WDR27: variants seen among roughly 807,000 people sequenced by gnomAD.
WDR27 encodes WD repeat-containing protein 27.
In WDR27, 100 loss-of-function variants were observed where a neutral mutation model predicts 114.4. That is an observed-to-expected ratio of 0.87 (90% CI 0.74 to 1.03). The LOEUF is 1.03. Ranked by LOEUF, WDR27 falls within the 50% of genes least tolerant of loss-of-function variation. WDR27 has a pLI of 0.00. For synonymous variants in WDR27, 449 were observed against 423.1 expected (o/e 1.06, Z -0.75); for missense variants, 1,129 against 1,092.9 (o/e 1.03, Z -0.47).
At chr6:169,624,972 C>T (rs374620280) in intron 21 of WDR27, among the ~76,000 whole-genome samples, 77 of 152,330 alleles carry the variant, frequency 5.1e-4, no homozygotes, top group African/African-American at 1.8e-3. Flanking sequence ...CCTCGGGGCC[C>T]GGCCCATCCA....
At chr6:169,458,491 T>A (rs140405004) in intron 25 of WDR27, among the ~76,000 whole-genome samples, 1 of 152,030 alleles carries the variant, frequency 6.6e-6, no homozygotes, top group African/African-American at 2.4e-5. Flanking sequence ...GTAAAAAATG[T>A]ATAGGAGCCA....
At chr6:169,476,905 A>G (rs1344000281) in intron 25 of WDR27, among the ~76,000 whole-genome samples, 3 of 152,160 alleles carry the variant, frequency 2.0e-5, no homozygotes, top group African/African-American at 7.2e-5. Flanking sequence ...TCTACCAGTC[A>G]TCACTCTTGT....
chr6:169,492,040 T>C (rs553515192), intron 25 of WDR27, among the ~76,000 whole-genome samples: 4 of 152,128 alleles, frequency 2.6e-5, no homozygotes, highest in African/African-American at 9.7e-5. Context: ...TAGAAGATAA[T>C]TGCATTCCAG....
chr6:169,502,800 G>T (rs78062890), intron 25 of WDR27, among the ~76,000 whole-genome samples: 4,058 of 152,180 alleles, frequency 0.027, 70 homozygotes, highest in Non-Finnish European at 0.042. Flanking sequence ...CACGTTCCAG[G>T]GGTTAGGACT....
chr6:169,589,364 GC>G (rs1195108275), intron 23 of WDR27, among the ~76,000 whole-genome samples: 1 of 152,090 alleles, frequency 6.6e-6, no homozygotes, highest in African/African-American at 2.4e-5. Flanking sequence ...AACACTTATT[GC>G]CCCAATTCTA....
Position 169,632,939 on chromosome 6 carries a change from T to C in WDR27, c.2223+8A>G, listed in dbSNP as rs1270454874. The C allele has an allele frequency of 1.3e-6, 2 of 1,576,408 alleles. No individual in the cohort carries two copies. The highest frequency in any genetic ancestry group is 2.3e-5 in the East Asian group (1 of 43,898). The stretch of plus-strand genomic sequence containing the variant: ...CAGATGATACATGTTATCCAAAAAC[T>C]TACTCACTTTATTTTGGCAGATTTG... On this transcript the variant is annotated splice_region_variant and intron_variant, in intron 21 of 25. Coordinates refer to ENST00000448612, the MANE Select transcript of WDR27 (RefSeq NM_182552.5).
chr6:169,545,556 T>C (rs1203887827), intron 25 of WDR27, among the ~76,000 whole-genome samples: 1 of 152,096 alleles, frequency 6.6e-6, no homozygotes, highest in African/African-American at 2.4e-5. Flanking sequence ...GTGGTGCCTA[T>C]AGTCCCAGCT....
intron 25 of WDR27, among the ~76,000 whole-genome samples, chr6:169,527,285 A>T (rs1236093050): frequency 6.6e-6 from 1 of 152,274 alleles, no homozygotes; most frequent in Non-Finnish European, 1.5e-5. Context: ...GTATATCCAT[A>T]CTTTGGAATT....
intron 25 of WDR27, among the ~76,000 whole-genome samples, chr6:169,571,261 A>T (rs200867203): frequency 4.7e-4 from 48 of 102,746 alleles, no homozygotes; most frequent in African/African-American, 1.7e-3. Context: ...GAAAAAAATT[A>T]AAAAAAAAAT....
chr6:169,529,044 C>T (rs752277716), intron 25 of WDR27, among the ~76,000 whole-genome samples: 8 of 152,200 alleles, frequency 5.3e-5, no homozygotes, highest in African/African-American at 1.2e-4. Flanking sequence ...CTTATCATAG[C>T]GTTGTTTATA....
At chr6:169,429,448 C>G in the WDR27 span, among the ~76,000 whole-genome samples, 4 of 147,510 alleles carry the variant, frequency 2.7e-5, no homozygotes, top group Non-Finnish European at 6.0e-5. Flanking sequence ...TTTTTTTTCC[C>G]AACTGAGAAG....
intron 21 of WDR27, among the ~76,000 whole-genome samples, chr6:169,628,995 A>G (rs1815606521): frequency 6.6e-6 from 1 of 152,246 alleles, no homozygotes. Flanking sequence ...ATACTAAGAG[A>G]TTTACATACA....
intron 23 of WDR27, among the ~76,000 whole-genome samples, chr6:169,601,214 G>A (rs948494383): frequency 5.3e-5 from 8 of 152,154 alleles, no homozygotes; most frequent in Non-Finnish European, 7.3e-5. Context: ...GCCAAACTAA[G>A]CTTCGTAAGT....
At chr6:169,634,318 C>T (rs2128218955) in intron 20 of WDR27, 110 bp downstream of exon 20, 2 of 700,596 alleles carry the variant, frequency 2.9e-6, no homozygotes, top group Admixed American at 3.0e-5. Context: ...TCCCTGCATT[C>T]CCGGAGCCCC....
intron 25 of WDR27, among the ~76,000 whole-genome samples, chr6:169,464,796 A>G (rs1000133492): frequency 2.0e-5 from 3 of 152,222 alleles, no homozygotes; most frequent in African/African-American, 7.2e-5. Flanking sequence ...CATTCCTCCA[A>G]AGAAGATATA....
intron 21 of WDR27, among the ~76,000 whole-genome samples, chr6:169,620,466 T>C (rs906830366): frequency 6.6e-6 from 1 of 152,196 alleles, no homozygotes; most frequent in African/African-American, 2.4e-5. Context: ...CTATTGTTTA[T>C]GTAAAAATGA....
intron 22 of WDR27, among the ~76,000 whole-genome samples, chr6:169,612,524 A>G (rs946021762): frequency 4.1e-5 from 6 of 146,744 alleles, no homozygotes; most frequent in Non-Finnish European, 8.9e-5. Context: ...AGGCAAGACA[A>G]TCCCTTGAGC....
chr6:169,561,170 T>G (rs1158249062), intron 25 of WDR27, among the ~76,000 whole-genome samples: 1 of 152,052 alleles, frequency 6.6e-6, no homozygotes, highest in Non-Finnish European at 1.5e-5. Context: ...CAGTGCCTGG[T>G]GAGGGGCCTC....
intron 19 of WDR27, among the ~76,000 whole-genome samples, chr6:169,635,983 T>C (rs7766388): frequency 0.097 from 14,832 of 152,268 alleles, 1,247 homozygotes; most frequent in African/African-American, 0.23. Flanking sequence ...TTAATACTTG[T>C]CCAAGCTAGG....
Sources: gnomAD v4.1 joint callset for allele counts (sites outside exome capture counted in the v4.1 genomes callset) on GRCh38, gnomAD v4.1.1 for gene constraint, MANE v1.5 for transcripts, NCBI Gene and HGNC (gene_info 2026-07-23, HGNC 2026-07-21) for gene names.